Variants in TMEM168 observed in about 807,000 individuals in gnomAD.
The protein encoded by TMEM168 is transmembrane protein 168.
In TMEM168, 40 loss-of-function variants were observed where a neutral mutation model predicts 53.2. The ratio of observed to expected loss-of-function variants is 0.75; its 90% CI spans 0.58 to 0.98. The LOEUF (loss-of-function observed/expected upper bound fraction) is 0.98. Ranked by LOEUF, TMEM168 falls within the 50% of genes least tolerant of loss-of-function variation. TMEM168 has a pLI of 0.00. For synonymous variants in TMEM168, 282 were observed against 293.0 expected, an observed-to-expected ratio of 0.96 and a Z score of 0.38; for missense variants, 771 against 828.8, an observed-to-expected ratio of 0.93 and a Z score of 0.86.
intron 2 of TMEM168, among the ~76,000 whole-genome samples, chr7:112,775,619 A>C (rs767954130): frequency 6.6e-6 from 1 of 151,762 alleles, no homozygotes; most frequent in Non-Finnish European, 1.5e-5. Flanking sequence ...AAAAAACAAA[A>C]CAAACCAAAA....
intron 1 of TMEM168, among the ~76,000 whole-genome samples, chr7:112,787,558 G>A (rs1274635321): frequency 6.6e-6 from 1 of 151,750 alleles, no homozygotes; most frequent in Non-Finnish European, 1.5e-5. Context: ...GGGATTACAG[G>A]CGCCCATCGC....
At chr7:112,789,328 G>C (rs1369330584) in intron 1 of TMEM168, among the ~76,000 whole-genome samples, 1 of 151,844 alleles carries the variant, frequency 6.6e-6, no homozygotes, top group Non-Finnish European at 1.5e-5. Context: ...GGTCTCTGAG[G>C]GTTTGTCTTC....
At chr7:112,775,964 A>G (rs950286609) in intron 2 of TMEM168, among the ~76,000 whole-genome samples, 1 of 152,094 alleles carries the variant, frequency 6.6e-6, no homozygotes, top group African/African-American at 2.4e-5. Flanking sequence ...AGAAGAAATA[A>G]GCAGGAGGCA....
intron 1 of TMEM168, among the ~76,000 whole-genome samples, chr7:112,785,403 C>G (rs1488809035): frequency 6.6e-6 from 1 of 152,206 alleles, no homozygotes; most frequent in Admixed American, 6.5e-5. Context: ...GCAACCATTA[C>G]GACCTGCCAA....
At chr7:112,776,067 AACTATT>A (rs1440274867) in intron 2 of TMEM168, among the ~76,000 whole-genome samples, 1 of 151,782 alleles carries the variant, frequency 6.6e-6, no homozygotes, top group Non-Finnish European at 1.5e-5. Context: ...TAGAATATTA[AACTATT>A]ACTTTTTTCT....
chr7:112,785,705 A>C (rs1793359987), intron 1 of TMEM168, among the ~76,000 whole-genome samples: 1 of 152,220 alleles, frequency 6.6e-6, no homozygotes. Context: ...AGAACTTTTC[A>C]ATTCTACTTA....
At chr7:112,787,814 C>T (rs997598932) in intron 1 of TMEM168, among the ~76,000 whole-genome samples, 17 of 144,126 alleles carry the variant, frequency 1.2e-4, no homozygotes, top group Non-Finnish European at 1.5e-5. Context: ...CTCACCGCAA[C>T]CTCTGCCTCC....
At chr7:112,775,122 T>TATGTTTCATAAC in intron 3 of TMEM168, 54 bp downstream of exon 3, 1 of 1,394,218 alleles carries the variant, frequency 7.2e-7, no homozygotes, top group Non-Finnish European at 9.6e-7. Flanking sequence ...ATATAAATAT[T>TATGTTTCATAAC]AAGAAAATGT....
In TMEM168 at chr7:112,787,472, C is replaced by T. The variant is rs555138901; in HGVS notation, c.-128-2519G>A. 3.2e-3 allele frequency among the ~76,000 whole-genome samples: 492 copies of T among 152,240 alleles called. 4 individuals carry two copies. The highest frequency in any genetic ancestry group is 5.6e-3 in the Non-Finnish European group (379 of 68,012). ...TTGGCTCACTGCAACCTCCGACTAT[C>T]GGGTTCAGGCGATTCTCCTGCAACC... On this transcript the variant is annotated intron_variant, in intron 1 of 4. Transcript: ENST00000312814.
intron 4 of TMEM168, among the ~76,000 whole-genome samples, chr7:112,768,980 GC>G (rs1792861346): frequency 1.3e-5 from 2 of 152,172 alleles, no homozygotes; most frequent in South Asian, 4.1e-4. Context: ...AGCAGCTATT[GC>G]TGGGTGTTTC....
At chr7:112,786,091 C>T (rs965127601) in intron 1 of TMEM168, among the ~76,000 whole-genome samples, 7 of 152,008 alleles carry the variant, frequency 4.6e-5, no homozygotes, top group African/African-American at 1.7e-4. Flanking sequence ...ATCTGTAATG[C>T]CTCAAGAGGC....
Position 112,775,238 on chromosome 7 carries a change from C to T in TMEM168, c.1209G>A (p.Leu403=), listed in dbSNP as rs1214758933. The part of the protein sequence containing the change: ...ESMAHGLFHE[L]GNCLGGTSVG... ...CAGATGTTCCTCCTAAACAGTTACC[C>T]AATTCATGGAAGAGCCCATGAGCCA... The change falls in exon 3 of 5, where the codon TTG becomes TTA. Residue 403 remains leucine (L), a synonymous_variant. Coordinates refer to ENST00000312814, the MANE Select transcript of TMEM168 (RefSeq NM_022484.6). 1.9e-6 allele frequency: 3 copies of T among 1,613,612 alleles called. No homozygotes were observed. Among genetic ancestry groups the T allele is most frequent in the Admixed American group, 1.7e-5 (1 of 59,988 alleles).
rs145210920 is a variant in TMEM168 at position 112,776,367 on chromosome 7, T to C, written c.1129-1049A>G. On this transcript the variant is annotated intron_variant, in intron 2 of 4. Transcript: ENST00000312814. The stretch of plus-strand genomic sequence containing the variant: ...CAGAAAAAATTAAGACTCATTTAAG[T>C]GAAAAGAAAATGGATAGTCACTTGA... Among the ~76,000 whole-genome samples, 599 of 152,166 alleles carry C rather than the reference T, an allele frequency of 3.9e-3. 1 individual carries two copies. The highest frequency in any genetic ancestry group is 0.014 in the African/African-American group (565 of 41,560).
rs377088573 is a variant in TMEM168, at chr7:112,784,161, T to G, written c.665A>C (p.Asn222Thr). The G allele has an allele frequency of 2.5e-6, 4 of 1,613,854 alleles. No individual in the cohort carries two copies. In the African/African-American group the frequency reaches 4.0e-5, roughly 16 times the overall value. Residue 222 changes from asparagine (N) to threonine (T), a missense_variant, in exon 2 of 5, where the codon AAT becomes ACT. Physicochemically the swap from Asn to Thr is moderately conservative, Grantham distance 65. Transcript: ENST00000312814. ...AAAAAAACACGCAAAAGCAATCGGA[T>G]TTTTGGGAGTTTCCAATGAGGAAAA... ...LFFSSLETPK[N>T]PIAFACFFIC...
chr7:112,769,102 T>C (rs1792864325), intron 4 of TMEM168, among the ~76,000 whole-genome samples: 3 of 152,348 alleles, frequency 2.0e-5, no homozygotes, highest in Non-Finnish European at 4.4e-5. Flanking sequence ...AACTGTCCTC[T>C]TGGTTTCACC....
At chr7:112,785,398 C>T (rs1486849845) in intron 1 of TMEM168, among the ~76,000 whole-genome samples, 1 of 152,170 alleles carries the variant, frequency 6.6e-6, no homozygotes, top group African/African-American at 2.4e-5. Flanking sequence ...TAACAGCAAC[C>T]ATTACGACCT....
chr7:112,783,426 C>A (rs1464924109), intron 2 of TMEM168, among the ~76,000 whole-genome samples: 3 of 152,174 alleles, frequency 2.0e-5, no homozygotes, highest in Admixed American at 2.0e-4. Flanking sequence ...TTCTAAGACT[C>A]TTTAATCGAT....
At chr7:112,779,990 A>G (rs1793185678) in intron 2 of TMEM168, among the ~76,000 whole-genome samples, 1 of 152,220 alleles carries the variant, frequency 6.6e-6, no homozygotes, top group Admixed American at 6.5e-5. Context: ...AGAGACTGTG[A>G]GAAATCCAGC....
chr7:112,777,886 CTGTGTGTGTGTGTG>C (rs71155068), intron 2 of TMEM168, among the ~76,000 whole-genome samples: 5,446 of 126,076 alleles, frequency 0.043, 234 homozygotes, highest in African/African-American at 0.096. Context: ...GCTCTTGGTG[CTGTGTGTGTGTGTG>C]TGTGTGTGTG....
Sources: gnomAD v4.1 joint callset for allele counts (sites outside exome capture counted in the v4.1 genomes callset) on GRCh38, gnomAD v4.1.1 for gene constraint, MANE v1.5 for transcripts, NCBI Gene and HGNC (gene_info 2026-07-23, HGNC 2026-07-21) for gene names.